Variants in ENOX2 observed in about 807,000 individuals in gnomAD.
ENOX2 encodes ecto-NOX disulfide-thiol exchanger 2, also known as APK1 antigen.
In ENOX2, 36 loss-of-function variants were observed where a neutral mutation model predicts 45.0. The ratio of observed to expected loss-of-function variants is 0.80; its 90% CI spans 0.61 to 1.06. The LOEUF is 1.06. ENOX2 is among the 50% of genes least tolerant of loss of function. ENOX2 has a pLI of 0.00. For synonymous variants in ENOX2, 174 were observed against 152.3 expected, an observed-to-expected ratio of 1.14 and a Z score of -1.05; for missense variants, 423 against 462.5, an observed-to-expected ratio of 0.91 and a Z score of 0.78.
At chrX:130,856,801 C>T (rs996640243) in intron 2 of ENOX2, among the ~76,000 whole-genome samples, 5 of 111,598 alleles carry the variant, frequency 4.5e-5, no homozygotes, top group African/African-American at 1.6e-4. Context: ...TCATATAGAA[C>T]ATCTTCTTTG....
At chrX:130,902,815 CAA>C (rs763644761) in intron 1 of ENOX2, among the ~76,000 whole-genome samples, 3 of 48,798 alleles carry the variant, frequency 6.1e-5, no homozygotes, top group Non-Finnish European at 4.0e-5. Context: ...CGAGTTGGAC[CAA>C]AAAAAAAAAA....
chrX:130,717,642 C>A (rs1251739731), intron 3 of ENOX2, among the ~76,000 whole-genome samples: 2 of 112,100 alleles, frequency 1.8e-5, no homozygotes, highest in Non-Finnish European at 3.8e-5. Flanking sequence ...TTCTGTATAT[C>A]AAATCCTATT....
chrX:130,846,177 G>C (rs1426330301), intron 2 of ENOX2, among the ~76,000 whole-genome samples: 1 of 111,299 alleles, frequency 9.0e-6, no homozygotes, highest in Non-Finnish European at 1.9e-5. Context: ...TGAGAAATCA[G>C]GGTCTAACAA....
intron 2 of ENOX2, among the ~76,000 whole-genome samples, chrX:130,840,185 A>G (rs2148500775): frequency 8.9e-6 from 1 of 111,934 alleles, no homozygotes; most frequent in Non-Finnish European, 1.9e-5. Context: ...TTATGTTTTA[A>G]GTAGCACAGA....
chrX:130,709,431 G>T, intron 3 of ENOX2: 5 of 556,340 alleles, frequency 9.0e-6, no homozygotes, highest in Non-Finnish European at 1.6e-5. Context: ...TTGAGGTCAG[G>T]AGTTCAAGAC....
intron 2 of ENOX2, among the ~76,000 whole-genome samples, chrX:130,789,902 A>G (rs932642095): frequency 2.7e-5 from 3 of 112,063 alleles, no homozygotes; most frequent in Non-Finnish European, 5.6e-5. Flanking sequence ...CCTCAAAACC[A>G]TATTTGTAGC....
chrX:130,739,100 C>T (rs763797746), intron 3 of ENOX2, among the ~76,000 whole-genome samples: 15 of 112,315 alleles, frequency 1.3e-4, no homozygotes, highest in East Asian at 2.8e-4. Context: ...TAAGATGGTT[C>T]GACTAAAATT....
chrX:130,715,382 A>G (rs1308780036), intron 3 of ENOX2, among the ~76,000 whole-genome samples: 1 of 112,237 alleles, frequency 8.9e-6, no homozygotes, highest in African/African-American at 3.2e-5. Flanking sequence ...CAACCGCATG[A>G]GGCAGTGACT....
chrX:130,822,314 T>C (rs920216617), intron 2 of ENOX2, among the ~76,000 whole-genome samples: 5 of 111,826 alleles, frequency 4.5e-5, no homozygotes, highest in Non-Finnish European at 9.4e-5. Flanking sequence ...GCAACATCGT[T>C]CAATAGAAAT....
chrX:130,852,758 A>G (rs1010607555), intron 2 of ENOX2, among the ~76,000 whole-genome samples: 8 of 111,457 alleles, frequency 7.2e-5, no homozygotes, highest in Non-Finnish European at 1.5e-4. Flanking sequence ...AACGTCAACT[A>G]AATGATTGAA....
In ENOX2 at chrX:130,756,171, C is replaced by CA. The variant is rs762175607; in HGVS notation, c.-39+27375dup. 9.5e-3 allele frequency among the ~76,000 whole-genome samples: 1,068 copies of CA among 112,518 alleles called. 12 individuals carry two copies. The highest frequency in any genetic ancestry group is 0.032 in the African/African-American group (994 of 31,019). ...ACAAAAAGCATAAATTCAGGAATGA[C>CA]ATCCATTCTTTCTCCAATGATGCCC... On this transcript the variant is annotated intron_variant, in intron 3 of 14. Transcript: ENST00000394363.
At chrX:130,633,445 C>A (rs2035839922) in intron 12 of ENOX2, among the ~76,000 whole-genome samples, 1 of 112,328 alleles carries the variant, frequency 8.9e-6, no homozygotes, top group South Asian at 3.7e-4. Flanking sequence ...AGAAGCTTTG[C>A]TTAAAATAAC....
intron 2 of ENOX2, among the ~76,000 whole-genome samples, chrX:130,813,027 T>C (rs2077418666): frequency 8.9e-6 from 1 of 112,202 alleles, no homozygotes; most frequent in South Asian, 3.7e-4. Flanking sequence ...AAAATGCTCA[T>C]TGGAGTATTT....
chrX:130,861,871 G>A (rs922069845), intron 2 of ENOX2, among the ~76,000 whole-genome samples: 4 of 111,454 alleles, frequency 3.6e-5, no homozygotes, highest in African/African-American at 1.3e-4. Flanking sequence ...ATAGATTAAG[G>A]TGATGGTTTT....
At chrX:130,851,459 TTCTTTTTTTTC>T (rs2078206896) in intron 2 of ENOX2, among the ~76,000 whole-genome samples, 1 of 110,180 alleles carries the variant, frequency 9.1e-6, no homozygotes, top group African/African-American at 3.3e-5. Flanking sequence ...TATTTTTTTT[TTCTTTTTTTTC>T]CTTTTTTTTT....
At chrX:130,775,507 G>T (rs1311746303) in intron 3 of ENOX2, among the ~76,000 whole-genome samples, 1 of 111,577 alleles carries the variant, frequency 9.0e-6, no homozygotes, top group Non-Finnish European at 1.9e-5. Flanking sequence ...CCTAGTCAGG[G>T]CACAGGCACC....
chrX:130,839,350 G>T (rs987556273), intron 2 of ENOX2, among the ~76,000 whole-genome samples: 2 of 111,359 alleles, frequency 1.8e-5, no homozygotes, highest in Admixed American at 1.9e-4. Context: ...TAAAATGAGG[G>T]TGTTGGACTA....
rs1177230131 is a variant in ENOX2, at chrX:130,667,676, C to T, written c.761G>A (p.Arg254His). ...LTWIERGEVN[R>H]RSANNFYSMI... ...GGAGTAGAAGTTATTGGCGCTACGA[C>T]GGTTGACCTCTCCTCGCTCTATCCA... The change falls in exon 8 of 15, where the codon CGT becomes CAT. Residue 254 changes from arginine to histidine, a missense_variant. Coordinates refer to ENST00000394363, the MANE Select transcript of ENOX2 (RefSeq NM_006375.4). 5.0e-6 allele frequency: 6 copies of T among 1,209,206 alleles called. No individual in the cohort carries two copies. The highest frequency in any genetic ancestry group is 4.5e-6 in the Non-Finnish European group (4 of 894,413).
intron 3 of ENOX2, among the ~76,000 whole-genome samples, chrX:130,717,413 C>A (rs1294122358): frequency 8.9e-6 from 1 of 112,195 alleles, no homozygotes; most frequent in Non-Finnish European, 1.9e-5. Context: ...GCTAGAAGTT[C>A]ACTGTCAGAA....
Sources: gnomAD v4.1 joint callset for allele counts (sites outside exome capture counted in the v4.1 genomes callset) on GRCh38, gnomAD v4.1.1 for gene constraint, MANE v1.5 for transcripts, NCBI Gene and HGNC (gene_info 2026-07-23, HGNC 2026-07-21) for gene names.